The following CLMP variants were observed in gnomAD, a reference collection of about 807,000 sequenced individuals.
The protein encoded by CLMP is CXADR like cell adhesion molecule.
Under a neutral mutation model 45.2 loss-of-function variants are expected in CLMP, and 27 were observed. The ratio of observed to expected loss-of-function variants is 0.60; its 90% CI spans 0.44 to 0.82. The LOEUF is 0.82. CLMP is among the 40% of genes least tolerant of loss of function. The pLI, the probability that CLMP is intolerant of heterozygous loss-of-function variation, is 0.00. For synonymous variants in CLMP, 167 were observed against 171.4 expected (o/e 0.97, Z 0.20); for missense variants, 403 against 448.4 (o/e 0.90, Z 0.91).
Position 123,097,878 on chromosome 11 carries a change from A to G in CLMP, c.103T>C (p.Cys35Arg), listed in dbSNP as rs1258557622. Residue 35 changes from cysteine to arginine, a missense_variant, in exon 2 of 7, where the codon TGC (cysteine) becomes CGC (arginine). Cys to Arg is a radical substitution (Grantham distance 180, BLOSUM62 -3). Coordinates refer to ENST00000448775, the MANE Select transcript of CLMP (RefSeq NM_024769.5). Reference sequence around the variant, plus strand: ...TCTGGAAGCCCCAGTTGATGGTGGCAGGGCAAAGTGACCTTTTCCTCTGCC... The same window carrying G: ...TCTGGAAGCCCCAGTTGATGGTGGCGGGGCAAAGTGACCTTTTCCTCTGCC... ...RVAEEKVTLP[C>R]HHQLGLPEKD... 1 of 1,610,940 alleles carries G rather than the reference A, an allele frequency of 6.2e-7. No homozygotes were observed. Among genetic ancestry groups the G allele is most frequent in the Admixed American group, 1.7e-5 (1 of 59,526 alleles).
intron 1 of CLMP, among the ~76,000 whole-genome samples, chr11:123,165,571 G>A (rs1034148675): frequency 6.6e-6 from 1 of 152,104 alleles, no homozygotes; most frequent in African/African-American, 2.4e-5. Context: ...GGTCCATGGT[G>A]TCCATGGTGA....
At chr11:123,187,125 A>G (rs1861845486) in intron 1 of CLMP, among the ~76,000 whole-genome samples, 1 of 152,226 alleles carries the variant, frequency 6.6e-6, no homozygotes. Flanking sequence ...CATTGTTACT[A>G]GATGCAGTGG....
chr11:123,173,563 G>A (rs1410772617), intron 1 of CLMP, among the ~76,000 whole-genome samples: 1 of 152,142 alleles, frequency 6.6e-6, no homozygotes, highest in African/African-American at 2.4e-5. Context: ...GGGTGATTAA[G>A]GAAAAGAGCA....
In CLMP at chr11:123,069,913, A is replaced by G. The variant is rs1314894356; in HGVS notation, c.*3561T>C. 6.6e-6 allele frequency: 1 copy of G among 152,234 alleles called. No individual in the cohort carries two copies. Among genetic ancestry groups the G allele is most frequent in the African/African-American group, 2.4e-5 (1 of 41,470 alleles). 9.4% of individuals were successfully genotyped at this position (152,234 alleles called of 1,614,324 possible). A position where few individuals can be genotyped will look rare whatever the true frequency, so the allele number is the denominator to read the frequency against. On this transcript the variant is annotated 3_prime_UTR_variant, in exon 7 of 7. Coordinates refer to ENST00000448775, the MANE Select transcript of CLMP (RefSeq NM_024769.5). ...ATTTTTTAATTGCTGATACAGATGC[A>G]TCCATAATAAATATTTGGTTTTTGT...
At chr11:123,088,419 CTCTT>C (rs1247716619) in intron 2 of CLMP, among the ~76,000 whole-genome samples, 1 of 152,114 alleles carries the variant, frequency 6.6e-6, no homozygotes, top group Non-Finnish European at 1.5e-5. Flanking sequence ...GTTAATGTTT[CTCTT>C]TCTTTCTGAT....
At chr11:123,102,320 C>T (rs1407711729) in intron 1 of CLMP, among the ~76,000 whole-genome samples, 2 of 127,378 alleles carry the variant, frequency 1.6e-5, no homozygotes, top group Non-Finnish European at 3.1e-5. Flanking sequence ...GTCTCTCTGT[C>T]GCCAGGCTGG....
intron 1 of CLMP, among the ~76,000 whole-genome samples, chr11:123,120,995 G>GC (rs1163532852): frequency 6.6e-6 from 1 of 151,858 alleles, no homozygotes; most frequent in Non-Finnish European, 1.5e-5. Context: ...GCATGGTGTG[G>GC]CAGGAGCCTG....
intron 1 of CLMP, among the ~76,000 whole-genome samples, chr11:123,178,781 G>C (rs150737114): frequency 1.3e-5 from 2 of 152,126 alleles, no homozygotes; most frequent in Non-Finnish European, 2.9e-5. Flanking sequence ...TTAGGACATG[G>C]CCTCTGAAGC....
intron 5 of CLMP, among the ~76,000 whole-genome samples, chr11:123,078,116 GAAA>G (rs995946801): frequency 6.7e-6 from 1 of 149,954 alleles, no homozygotes; most frequent in Admixed American, 6.7e-5. Context: ...CAAAAAAAAA[GAAA>G]AAAAAATCAT....
chr11:123,181,408 C>CGATT (rs1565405540), intron 1 of CLMP, among the ~76,000 whole-genome samples: 4 of 152,212 alleles, frequency 2.6e-5, no homozygotes, highest in Admixed American at 2.6e-4. Context: ...TGCCCTCAAG[C>CGATT]GATTGCTTTC....
At chr11:123,177,196 T>C (rs1565404584) in intron 1 of CLMP, among the ~76,000 whole-genome samples, 1 of 152,140 alleles carries the variant, frequency 6.6e-6, no homozygotes, top group Non-Finnish European at 1.5e-5. Context: ...CAGGCTTCTG[T>C]CTGAATTCAG....
At chr11:123,093,377 C>T (rs988391260) in intron 2 of CLMP, among the ~76,000 whole-genome samples, 4 of 152,060 alleles carry the variant, frequency 2.6e-5, no homozygotes, top group African/African-American at 9.7e-5. Context: ...GATGGAGTCT[C>T]ACTCTGTCAC....
intron 1 of CLMP, among the ~76,000 whole-genome samples, chr11:123,104,987 A>C (rs953753081): frequency 6.6e-6 from 1 of 152,210 alleles, no homozygotes; most frequent in Admixed American, 6.5e-5. Flanking sequence ...AGAGGTGCTG[A>C]GTGGTGGCAG....
At chr11:123,086,941 C>T (rs1288427468) in intron 2 of CLMP, among the ~76,000 whole-genome samples, 1 of 152,170 alleles carries the variant, frequency 6.6e-6, no homozygotes, top group Non-Finnish European at 1.5e-5. Context: ...CAACTGTAAT[C>T]CCAGCATTTT....
intron 1 of CLMP, among the ~76,000 whole-genome samples, chr11:123,189,938 G>T (rs1861884323): frequency 6.6e-6 from 1 of 150,444 alleles, no homozygotes; most frequent in African/African-American, 2.5e-5. Flanking sequence ...GAAGGCAGGG[G>T]TTGCAGTGAG....
intron 1 of CLMP, among the ~76,000 whole-genome samples, chr11:123,190,683 G>A (rs1485721431): frequency 3.3e-5 from 5 of 152,164 alleles, no homozygotes; most frequent in Admixed American, 1.3e-4. Flanking sequence ...AGGACTTCCA[G>A]TTACGTTGGC....
chr11:123,143,570 A>G (rs1483508011), intron 1 of CLMP, among the ~76,000 whole-genome samples: 1 of 152,182 alleles, frequency 6.6e-6, no homozygotes. Flanking sequence ...ATCAAAATCC[A>G]GCAGAGAGCT....
intron 1 of CLMP, among the ~76,000 whole-genome samples, chr11:123,112,770 ATT>A (rs34587716): frequency 6.7e-4 from 76 of 113,962 alleles, no homozygotes; most frequent in Admixed American, 2.7e-3. Flanking sequence ...GTTAGTACCC[ATT>A]TTTTTTTTTT....
rs77505946 is a variant in CLMP at position 123,133,957 on chromosome 11, C to T, written c.29-36005G>A. Among the ~76,000 whole-genome samples the T allele has an allele frequency of 6.9e-4, 105 of 152,182 alleles. 1 individual carries two copies. In the East Asian group the frequency reaches 0.013, roughly 18 times the overall value. On this transcript the variant is annotated intron_variant, in intron 1 of 6. Transcript: ENST00000448775. ...TTTCCTTATGAAGGCTCTCATGTCACATAAGACTTATATTAAATAAATTTG... is the reference window on the plus strand; with the variant it reads ...TTTCCTTATGAAGGCTCTCATGTCATATAAGACTTATATTAAATAAATTTG...
Sources: allele counts gnomAD v4.1 joint callset (sites outside exome capture counted in the v4.1 genomes callset), GRCh38; gene constraint gnomAD v4.1.1; transcripts MANE v1.5; gene names NCBI Gene and HGNC (gene_info 2026-07-23, HGNC 2026-07-21).